Variants in KRT5 observed in about 807,000 individuals in gnomAD.
The protein encoded by KRT5 is keratin, type II cytoskeletal 5.
In KRT5, 17 loss-of-function variants were observed where a neutral mutation model predicts 44.0. That is an observed-to-expected ratio of 0.39 (90% CI 0.26 to 0.58). The LOEUF (loss-of-function observed/expected upper bound fraction) is 0.58, where lower values mean the gene tolerates loss of function less well. Ranked by LOEUF, KRT5 falls within the 20% of genes least tolerant of loss-of-function variation. KRT5 has a pLI of 0.61. For synonymous variants in KRT5, 329 were observed against 312.8 expected, an observed-to-expected ratio of 1.05 and a Z score of -0.55; for missense variants, 737 against 785.5, an observed-to-expected ratio of 0.94 and a Z score of 0.74.
In KRT5 at chr12:52,517,076, C is replaced by T. The variant is rs1396499215; in HGVS notation, c.1218+31G>A. On this transcript the variant is annotated intron_variant, in intron 6 of 8. Transcript: ENST00000252242. ...AGGTGTTTCTTTTAGAACTCAGGCCCCTTCCTTGCCCTCTTTCAATCTCAC... is the reference window on the plus strand; with the variant it reads ...AGGTGTTTCTTTTAGAACTCAGGCCTCTTCCTTGCCCTCTTTCAATCTCAC... 2.5e-6 allele frequency: 4 copies of T among 1,613,626 alleles called. No individual in the cohort carries two copies. In the African/African-American group the frequency reaches 5.3e-5, roughly 22 times the overall value.
intron 1 of KRT5, 101 bp from the exon 2 acceptor site, chr12:52,519,261 T>G: frequency 6.6e-7 from 1 of 1,526,694 alleles, no homozygotes; most frequent in Non-Finnish European, 8.9e-7. Flanking sequence ...TCTAAAGCTT[T>G]TCTGTGCACT....
In KRT5 at chr12:52,516,690, G is replaced by A; in HGVS notation, c.1386C>T (p.Ala462=). 6.2e-7 allele frequency: 1 copy of A among 1,614,156 alleles called. No homozygotes were observed. The highest frequency in any genetic ancestry group is 1.3e-5 in the African/African-American group (1 of 75,028). ...GGTAAGTGGCGATCTCCACGTCCAG[G>A]GCCAGCTTGGTGTTCATGAGCTCCT... ...EYQELMNTKL[A]LDVEIATYRK... The change falls in exon 7 of 9, where the codon GCC becomes GCT. Residue 462 remains alanine, a synonymous_variant. Transcript: ENST00000252242.
At chr12:52,516,894 A>G in intron 6 of KRT5, 37 bp from the exon 7 acceptor site, 1 of 1,608,342 alleles carries the variant, frequency 6.2e-7, no homozygotes, top group Non-Finnish European at 8.5e-7. Flanking sequence ...GTTGCTTGGG[A>G]CCTGAGGTGT....
At chr12:52,515,965 A>G in intron 7 of KRT5, 133 bp from the exon 8 acceptor site, 1 of 759,280 alleles carries the variant, frequency 1.3e-6, no homozygotes, top group Non-Finnish European at 2.4e-6. Context: ...AAGCTGCTTA[A>G]GTTAAAGGAA....
intron 2 of KRT5, chr12:52,518,515 A>G (rs991165986): frequency 1.5e-5 from 8 of 548,820 alleles, no homozygotes; most frequent in Non-Finnish European, 2.4e-5. Flanking sequence ...AAAAGAAAAG[A>G]AACAAAATTA....
At chr12:52,518,618 T>C in intron 2 of KRT5, 1 of 562,470 alleles carries the variant, frequency 1.8e-6, no homozygotes, top group Non-Finnish European at 3.2e-6. Context: ...TTGAGACAAA[T>C]CTATCCAAAG....
chr12:52,517,195 T>C lies in KRT5; in HGVS notation c.1130A>G (p.Asp377Gly). 6.2e-7 allele frequency: 1 copy of C among 1,614,074 alleles called. No individual in the cohort carries two copies. Among genetic ancestry groups the C allele is most frequent in the African/African-American group, 1.3e-5 (1 of 75,046 alleles). ...ELQQTAGRHGDDLRNTKHEIS... is the reference protein window; with the variant it reads ...ELQQTAGRHGGDLRNTKHEIS... ...CTCATGCTTGGTGTTGCGGAGGTCA[T>C]CGCCATGCCGGCCAGCTGTCTGCTG... Residue 377 changes from aspartate (D) to glycine (G), a missense_variant, in exon 6 of 9, where the codon GAT becomes GGT. Around this residue, in one of 5 missense-constraint regions of KRT5, gnomAD observed 344 missense variants for 351.6 expected, o/e 0.98. Coordinates refer to ENST00000252242, the MANE Select transcript of KRT5 (RefSeq NM_000424.4).
intron 1 of KRT5, among the ~76,000 whole-genome samples, 156 bp from the exon 2 acceptor site, chr12:52,519,316 C>T (rs1938670922): frequency 6.6e-6 from 1 of 152,348 alleles, no homozygotes; most frequent in South Asian, 2.1e-4. Context: ...GACTGAGGCA[C>T]CCAAACTCAC....
chr12:52,515,327 C>T, intron 8 of KRT5, 87 bp from the exon 9 acceptor site: 1 of 1,561,706 alleles, frequency 6.4e-7, no homozygotes, highest in Non-Finnish European at 8.7e-7. Context: ...GGTGTTGGAG[C>T]ACTCTACTGG....
At position 52,516,586 on chromosome 12, in the gene KRT5, A is replaced by T. The variant is rs117643747; in HGVS notation, c.1439+51T>A. On this transcript the variant is annotated intron_variant, in intron 7 of 8. Coordinates refer to ENST00000252242, the MANE Select transcript of KRT5 (RefSeq NM_000424.4). Reference sequence around the variant, plus strand: ...TGTGTTGTACACCCCACAGTAGAGCAGCTTCGCTTTATCAGCTGAAGGCCA... The same window carrying T: ...TGTGTTGTACACCCCACAGTAGAGCTGCTTCGCTTTATCAGCTGAAGGCCA... 1.5e-4 allele frequency: 237 copies of T among 1,548,814 alleles called. 1 individual carries two copies. The East Asian group carries it at 5.2e-3, about 34-fold the overall frequency.
intron 7 of KRT5, chr12:52,516,152 G>A: frequency 2.0e-6 from 1 of 489,496 alleles, no homozygotes; most frequent in South Asian, 2.6e-5. Context: ...TTCTGTGAGA[G>A]AACTTGGCAC....
At position 52,519,101 on chromosome 12, in the gene KRT5, C is replaced by A; in HGVS notation, c.615G>T (p.Glu205Asp). The stretch of plus-strand genomic sequence containing the variant: ...TCTGCCTCACAGTCTTGGTGCCCTG[C>A]TCCTGCAGCAGGGTCCACTTGGTGT... ...VLDTKWTLLQ[E>D]QGTKTVRQNL... Residue 205 changes from glutamate (E) to aspartate (D), a missense_variant, in exon 2 of 9, where the codon GAG (glutamate) becomes GAT (aspartate). By Grantham distance (45) the Glu-to-Asp change is conservative (BLOSUM62 2). Transcript: ENST00000252242. The A allele has an allele frequency of 1.2e-6, 2 of 1,614,206 alleles. No individual in the cohort carries two copies. Among genetic ancestry groups the A allele is most frequent in the Non-Finnish European group, 1.7e-6 (2 of 1,180,022 alleles).
At position 52,519,819 on chromosome 12, in the gene KRT5, T is replaced by C. The variant is rs1177284228; in HGVS notation, c.478A>G (p.Ser160Gly). 6.2e-7 allele frequency: 1 copy of C among 1,613,896 alleles called. No homozygotes were observed. The highest frequency in any genetic ancestry group is 8.5e-7 in the Non-Finnish European group (1 of 1,180,008). Reference sequence around the variant, plus strand: ...TCCTCGGTCCTCACCCTCTGGATGCTGGGGTCGATTTGCAGGTTGAGGGGA... The same window carrying C: ...TCCTCGGTCCTCACCCTCTGGATGCCGGGGTCGATTTGCAGGTTGAGGGGA... ...LTPLNLQIDPSIQRVRTEERE... is the reference protein window; with the variant it reads ...LTPLNLQIDPGIQRVRTEERE... Residue 160 changes from serine to glycine, a missense_variant, in exon 1 of 9, where the codon AGC (serine) becomes GGC (glycine). Physicochemically the swap from Ser to Gly is moderately conservative, Grantham distance 56. Around this residue, in one of 5 missense-constraint regions of KRT5, gnomAD observed 326 missense variants for 333.1 expected, o/e 0.98. Transcript: ENST00000252242.
chr12:52,515,128 A>T lies in KRT5; in HGVS notation c.1587T>A (p.Ser529Arg), dbSNP rs371846215. 15 of 1,610,742 alleles carry T rather than the reference A, an allele frequency of 9.3e-6. No homozygotes were observed. The African/African-American group carries it at 2.0e-4, about 22-fold the overall frequency. ...CACTGCTGCTGGAGTAGTAGCTTCC[A>T]CTGCTACCTCCGGCAAGACCTCCAC... ...GLGGGLAGGS[S>R]GSYYSSSSGG... The change falls in exon 9 of 9, where the codon AGT becomes AGA. Residue 529 changes from serine (S) to arginine (R), a missense_variant. Ser to Arg is a moderately radical substitution (Grantham distance 110, BLOSUM62 -1). Coordinates refer to ENST00000252242, the MANE Select transcript of KRT5 (RefSeq NM_000424.4).
chr12:52,517,689 G>T lies in KRT5; in HGVS notation c.993C>A (p.Arg331=), dbSNP rs1374951021. 6.2e-7 allele frequency: 1 copy of T among 1,614,204 alleles called. No homozygotes were observed. Among genetic ancestry groups the T allele is most frequent in the Non-Finnish European group, 8.5e-7 (1 of 1,180,030 alleles). The change falls in exon 5 of 9, where the codon CGC becomes CGA. Residue 331 remains arginine (R), a synonymous_variant. Transcript: ENST00000252242. ...TSVVLSMDNN[R]NLDLDSIIAE... is the part of the protein sequence containing the mutation. Reference sequence around the variant, plus strand: ...CGATGATGCTATCCAGGTCCAGGTTGCGGTTGTTGTCCATGGAGAGGACCA... The same window carrying T: ...CGATGATGCTATCCAGGTCCAGGTTTCGGTTGTTGTCCATGGAGAGGACCA...
intron 8 of KRT5, 31 bp from the exon 9 acceptor site, chr12:52,515,271 A>G (rs774675868): frequency 4.6e-5 from 74 of 1,602,212 alleles, no homozygotes; most frequent in Non-Finnish European, 6.2e-5. Flanking sequence ...ACTCAGTGAG[A>G]CCATCTGCCA....
intron 2 of KRT5, chr12:52,518,496 T>TA (rs1197537275): frequency 1.4e-5 from 8 of 573,788 alleles, no homozygotes; most frequent in East Asian, 4.1e-5. Flanking sequence ...TTCAGAGGCT[T>TA]TAAAAAAAAA....
chr12:52,516,375 A>T (rs1279829371), intron 7 of KRT5: 3 of 508,424 alleles, frequency 5.9e-6, no homozygotes, highest in Non-Finnish European at 1.1e-5. Context: ...AAAAGCAGAA[A>T]AGGCACAAGT....
intron 2 of KRT5, 162 bp from the exon 3 acceptor site, chr12:52,518,325 C>G: frequency 1.4e-6 from 1 of 722,994 alleles, no homozygotes. Context: ...TGGCCAAGGT[C>G]CCTCCCCATT....
Sources: gnomAD v4.1 joint callset for allele counts (sites outside exome capture counted in the v4.1 genomes callset) on GRCh38, gnomAD v4.1.1 for gene constraint, gnomAD v4.1.1 regional missense constraint, MANE v1.5 for transcripts, NCBI Gene and HGNC (gene_info 2026-07-23, HGNC 2026-07-21) for gene names.